Variants in SHISA6 observed in about 807,000 individuals in gnomAD.
SHISA6 encodes shisa family member 6.
Under a neutral mutation model 47.9 loss-of-function variants are expected in SHISA6, and 22 were observed. The ratio of observed to expected loss-of-function variants is 0.46; its 90% confidence interval spans 0.33 to 0.66. The LOEUF is 0.66. SHISA6 is among the 30% of genes least tolerant of loss of function. The probability of loss-of-function intolerance (pLI) is 0.02; values close to 1 mark genes in which losing one functional copy is unlikely to be tolerated. For missense variants in SHISA6, 680 were observed against 764.6 expected (o/e 0.89, Z 1.30); for synonymous variants, 388 against 337.8 (o/e 1.15, Z -1.63).
At chr17:11,365,401 C>G (rs1352198777) in intron 2 of SHISA6, among the ~76,000 whole-genome samples, 1 of 152,040 alleles carries the variant, frequency 6.6e-6, no homozygotes, top group East Asian at 1.9e-4. Flanking sequence ...CCTCAGCCTC[C>G]CAAGTAGCTG....
chr17:11,298,875 C>A lies in SHISA6; in HGVS notation c.799+35349C>A, dbSNP rs565144857. ...AGAGTGAGGAGCCTAGCTTTTGCAG[C>A]TACTCAAGGTGGCTCTCTGAGGGTG... is the stretch of plus-strand genomic sequence containing the variant. On this transcript the variant is annotated intron_variant, in intron 2 of 5. Transcript: ENST00000441885. Among the ~76,000 whole-genome samples the A allele has an allele frequency of 5.3e-5, 8 of 152,312 alleles. No homozygotes were observed. The South Asian group carries it at 1.7e-3, about 32-fold the overall frequency.
chr17:11,431,553 GT>G (rs1469260996), intron 3 of SHISA6, among the ~76,000 whole-genome samples: 2 of 152,192 alleles, frequency 1.3e-5, no homozygotes, highest in African/African-American at 2.4e-5. Context: ...TGCTAATTTT[GT>G]TTCTTTAATC....
At chr17:11,312,033 C>T (rs1910357818) in intron 2 of SHISA6, among the ~76,000 whole-genome samples, 1 of 152,134 alleles carries the variant, frequency 6.6e-6, no homozygotes. Context: ...CTGGGCCTCC[C>T]AAAATGCTGA....
At chr17:11,332,017 A>G (rs1047462098) in intron 2 of SHISA6, among the ~76,000 whole-genome samples, 2 of 146,858 alleles carry the variant, frequency 1.4e-5, no homozygotes, top group Non-Finnish European at 3.0e-5. Context: ...CATCCATCTT[A>G]CTCTGTCTCC....
chr17:11,455,295 G>A (rs1342651113), intron 3 of SHISA6, among the ~76,000 whole-genome samples: 1 of 152,084 alleles, frequency 6.6e-6, no homozygotes, highest in Non-Finnish European at 1.5e-5. Context: ...ATTTCATATG[G>A]GATAATAGCA....
chr17:11,519,368 G>A (rs1286004659), intron 3 of SHISA6, among the ~76,000 whole-genome samples: 1 of 152,198 alleles, frequency 6.6e-6, no homozygotes, highest in Non-Finnish European at 1.5e-5. Context: ...ACATTATGCT[G>A]AATGAAATAA....
At chr17:11,540,933 C>A (rs1025640465) in intron 3 of SHISA6, among the ~76,000 whole-genome samples, 3 of 152,160 alleles carry the variant, frequency 2.0e-5, no homozygotes, top group African/African-American at 7.2e-5. Flanking sequence ...CTGCGGAGCA[C>A]AGAGAGACTT....
intron 3 of SHISA6, among the ~76,000 whole-genome samples, chr17:11,441,106 C>T (rs955821464): frequency 5.9e-5 from 9 of 152,166 alleles, no homozygotes; most frequent in Non-Finnish European, 1.2e-4. Context: ...AACCTTCTTC[C>T]CTCCATGACT....
intron 3 of SHISA6, among the ~76,000 whole-genome samples, chr17:11,430,554 C>T (rs1295319572): frequency 6.6e-6 from 1 of 152,266 alleles, no homozygotes; most frequent in East Asian, 1.9e-4. Flanking sequence ...CCACCCTATC[C>T]TGACTGATGT....
rs1403279725 is a variant in SHISA6 at position 11,503,024 on chromosome 17, C to A, written c.896-48872C>A. On this transcript the variant is annotated intron_variant, in intron 3 of 5. Transcript: ENST00000441885. ...TGGATTACCTTTGATCAACCATGTA[C>A]TTTTTCTTTTATTTCTCCTTCAGAA... 2.0e-5 allele frequency among the ~76,000 whole-genome samples: 3 copies of A among 152,282 alleles called. No homozygotes were observed. The East Asian group carries it at 5.8e-4, about 29-fold the overall frequency.
At chr17:11,292,479 A>G (rs1909587717) in intron 2 of SHISA6, among the ~76,000 whole-genome samples, 1 of 152,286 alleles carries the variant, frequency 6.6e-6, no homozygotes, top group Admixed American at 6.5e-5. Flanking sequence ...TTTTAAAAAT[A>G]TACGAATTTG....
At chr17:11,311,807 A>G (rs1027475187) in intron 2 of SHISA6, among the ~76,000 whole-genome samples, 2 of 150,958 alleles carry the variant, frequency 1.3e-5, no homozygotes, top group African/African-American at 4.9e-5. Context: ...ACAGAGTCTC[A>G]CTCTGTTGCC....
intron 3 of SHISA6, among the ~76,000 whole-genome samples, chr17:11,486,881 C>G (rs1416859040): frequency 6.6e-6 from 1 of 152,200 alleles, no homozygotes; most frequent in African/African-American, 2.4e-5. Flanking sequence ...ACTGGTAAAC[C>G]AGCTCACTCA....
intron 3 of SHISA6, among the ~76,000 whole-genome samples, chr17:11,448,563 T>G (rs1221765539): frequency 6.6e-6 from 1 of 151,920 alleles, no homozygotes; most frequent in African/African-American, 2.4e-5. Flanking sequence ...GCGTGGTGTC[T>G]CACACCTATA....
intron 2 of SHISA6, among the ~76,000 whole-genome samples, chr17:11,272,251 C>G (rs1028979395): frequency 1.3e-5 from 2 of 152,178 alleles, no homozygotes; most frequent in South Asian, 4.1e-4. Context: ...CTATAGCTCC[C>G]CAGCCATGCT....
intron 3 of SHISA6, among the ~76,000 whole-genome samples, chr17:11,413,253 T>A (rs1324837578): frequency 6.6e-6 from 1 of 152,194 alleles, no homozygotes; most frequent in Non-Finnish European, 1.5e-5. Context: ...TGATACGTCA[T>A]TTCGTGTCAG....
At chr17:11,400,405 T>C (rs563866553) in intron 3 of SHISA6, among the ~76,000 whole-genome samples, 1 of 152,230 alleles carries the variant, frequency 6.6e-6, no homozygotes, top group Non-Finnish European at 1.5e-5. Flanking sequence ...TGAACATAAC[T>C]TCTGCTTCAT....
At chr17:11,544,682 C>T (rs1171688578) in intron 3 of SHISA6, among the ~76,000 whole-genome samples, 5 of 151,980 alleles carry the variant, frequency 3.3e-5, no homozygotes, top group Non-Finnish European at 5.9e-5. Context: ...ATATGCAGGC[C>T]GGGTGCGGTG....
chr17:11,413,373 A>G (rs1914191770), intron 3 of SHISA6, among the ~76,000 whole-genome samples: 1 of 152,164 alleles, frequency 6.6e-6, no homozygotes, highest in South Asian at 2.1e-4. Flanking sequence ...GATGGCTGGG[A>G]AGCTCCAGTT....
Sources: allele counts gnomAD v4.1 joint callset (sites outside exome capture counted in the v4.1 genomes callset), GRCh38; gene constraint gnomAD v4.1.1; transcripts MANE v1.5; gene names NCBI Gene and HGNC (gene_info 2026-07-23, HGNC 2026-07-21).